Variants in NTNG1 observed in about 807,000 individuals in gnomAD.
The protein encoded by NTNG1 is netrin G1, also known as netrin-G1.
A neutral mutation model predicts 54.0 loss-of-function variants in NTNG1; 16 were observed. That is an observed-to-expected ratio of 0.30 (90% confidence interval 0.20 to 0.45). The LOEUF (loss-of-function observed/expected upper bound fraction) is 0.45, where lower values mean the gene tolerates loss of function less well. Ranked by LOEUF, NTNG1 falls within the 20% of genes least tolerant of loss-of-function variation. The pLI is 1.00. For missense variants in NTNG1, 530 were observed against 678.7 expected (o/e 0.78, Z 2.43); for synonymous variants, 255 against 263.1 (o/e 0.97, Z 0.30).
At chr1:107,140,776 A>T (rs1185452079), upstream of NTNG1, 1 of 151,852 alleles carries the variant, frequency 6.6e-6, no homozygotes, top group Non-Finnish European at 1.5e-5. Context: ...AAAAGAGGAA[A>T]AAAAAAAGAA....
chr1:107,225,709 A>T (rs932312258), intron 2 of NTNG1, among the ~76,000 whole-genome samples: 3 of 152,206 alleles, frequency 2.0e-5, no homozygotes, highest in African/African-American at 7.2e-5. Context: ...ATATGTATTC[A>T]GGCAGACAAC....
chr1:107,447,733 ATACTC>A (rs1366113477), intron 7 of NTNG1, among the ~76,000 whole-genome samples: 7 of 152,104 alleles, frequency 4.6e-5, no homozygotes, highest in African/African-American at 1.7e-4. Flanking sequence ...AGATGAGATC[ATACTC>A]TACTCTACAG....
chr1:107,271,544 C>A (rs1046602464), intron 2 of NTNG1, among the ~76,000 whole-genome samples: 1 of 152,092 alleles, frequency 6.6e-6, no homozygotes, highest in Non-Finnish European at 1.5e-5. Context: ...ATTTTAATAA[C>A]CCAGACCAGC....
chr1:107,412,443 T>A (rs889206382), intron 5 of NTNG1, among the ~76,000 whole-genome samples: 3 of 152,174 alleles, frequency 2.0e-5, no homozygotes, highest in African/African-American at 7.2e-5. Flanking sequence ...CCCAATGCAG[T>A]ACAACCAGGA....
intron 2 of NTNG1, among the ~76,000 whole-genome samples, chr1:107,265,684 T>C (rs1415532306): frequency 6.6e-6 from 1 of 152,252 alleles, no homozygotes. Flanking sequence ...GTATAAGAAA[T>C]TGAAATTATA....
chr1:107,212,358 G>A (rs1185162478), intron 2 of NTNG1, among the ~76,000 whole-genome samples: 2 of 152,044 alleles, frequency 1.3e-5, no homozygotes, highest in African/African-American at 2.4e-5. Context: ...ATCTGATCTT[G>A]AATCCTCATA....
chr1:107,363,118 T>C (rs1670391899), intron 3 of NTNG1, among the ~76,000 whole-genome samples: 3 of 152,238 alleles, frequency 2.0e-5, no homozygotes, highest in Non-Finnish European at 2.9e-5. Flanking sequence ...CAGGCAGGTT[T>C]TTTCCTTGTG....
intron 2 of NTNG1, among the ~76,000 whole-genome samples, chr1:107,318,531 CAA>C (rs34623522): frequency 6.4e-5 from 9 of 140,132 alleles, no homozygotes; most frequent in African/African-American, 1.5e-4. Flanking sequence ...TGTGAAATTG[CAA>C]AAAAAAAAAA....
intron 3 of NTNG1, among the ~76,000 whole-genome samples, chr1:107,368,204 C>G (rs1049534966): frequency 6.6e-6 from 1 of 152,156 alleles, no homozygotes; most frequent in Non-Finnish European, 1.5e-5. Context: ...TCTTAGGTCT[C>G]CTGTCTTCCT....
intron 2 of NTNG1, among the ~76,000 whole-genome samples, chr1:107,323,999 C>T (rs1030341892): frequency 2.6e-5 from 4 of 152,008 alleles, no homozygotes; most frequent in African/African-American, 7.2e-5. Flanking sequence ...TTGCTCGGTG[C>T]CTTCGTGCTT....
chr1:107,249,504 T>C (rs1662446303), intron 2 of NTNG1, among the ~76,000 whole-genome samples: 4 of 148,486 alleles, frequency 2.7e-5, no homozygotes, highest in African/African-American at 7.4e-5. Flanking sequence ...AAAAAAAAGT[T>C]AGTTTGGGTA....
intron 5 of NTNG1, chr1:107,418,534 A>G (rs1674363330): frequency 8.1e-6 from 11 of 1,362,486 alleles, no homozygotes; most frequent in Non-Finnish European, 1.1e-5. Context: ...ACCAAATGAC[A>G]TTATAGCTGA....
At chr1:107,157,399 T>A (rs766570495) in intron 2 of NTNG1, among the ~76,000 whole-genome samples, 1 of 152,166 alleles carries the variant, frequency 6.6e-6, no homozygotes, top group East Asian at 1.9e-4. Flanking sequence ...ACCAGAAAGA[T>A]AGAGAAAGAT....
intron 2 of NTNG1, among the ~76,000 whole-genome samples, chr1:107,296,739 C>A (rs1351014018): frequency 6.9e-6 from 1 of 145,850 alleles, no homozygotes; most frequent in Non-Finnish European, 1.5e-5. Flanking sequence ...TATAATATTC[C>A]AATTATATAT....
At chr1:107,198,929 A>T (rs1014429757) in intron 2 of NTNG1, among the ~76,000 whole-genome samples, 1 of 151,870 alleles carries the variant, frequency 6.6e-6, no homozygotes, top group Admixed American at 6.6e-5. Context: ...ACTTAAAGAT[A>T]TTAGGAATGA....
intron 3 of NTNG1, among the ~76,000 whole-genome samples, chr1:107,367,756 T>C (rs1199510673): frequency 6.6e-6 from 1 of 152,152 alleles, no homozygotes; most frequent in Admixed American, 6.5e-5. Context: ...TCTGTTTTTT[T>C]GTTTTTTGGG....
chr1:107,365,462 T>C (rs1388099630), intron 3 of NTNG1, among the ~76,000 whole-genome samples: 4 of 152,056 alleles, frequency 2.6e-5, no homozygotes, highest in Non-Finnish European at 5.9e-5. Flanking sequence ...TTTAAGAAGT[T>C]AAAGGATAAT....
At chr1:107,239,801 AT>A (rs918216945) in intron 2 of NTNG1, among the ~76,000 whole-genome samples, 5 of 152,190 alleles carry the variant, frequency 3.3e-5, no homozygotes, top group African/African-American at 1.2e-4. Context: ...TAAAAAAAAA[AT>A]GTCCTTGATA....
At chr1:107,221,102 A>G (rs1485706829) in intron 2 of NTNG1, among the ~76,000 whole-genome samples, 1 of 152,174 alleles carries the variant, frequency 6.6e-6, no homozygotes, top group African/African-American at 2.4e-5. Context: ...GAGTTATACC[A>G]TGTAAATTAC....
Sources: allele counts gnomAD v4.1 joint callset (sites outside exome capture counted in the v4.1 genomes callset), GRCh38; gene constraint gnomAD v4.1.1; transcripts MANE v1.5; gene names NCBI Gene and HGNC (gene_info 2026-07-23, HGNC 2026-07-21).